Variants in KCNJ3 observed in about 807,000 individuals in gnomAD.
KCNJ3 encodes the protein potassium inwardly rectifying channel subfamily J member 3.
KCNJ3 carries 4 observed loss-of-function variants against 39.2 expected under a neutral mutation model. The ratio of observed to expected loss-of-function variants is 0.10; its 90% confidence interval spans 0.05 to 0.23. The LOEUF is 0.23. KCNJ3 is among the 10% of genes least tolerant of loss of function. The probability of loss-of-function intolerance (pLI) is 1.00; values close to 1 mark genes in which losing one functional copy is unlikely to be tolerated. For synonymous variants in KCNJ3, 230 were observed against 237.4 expected, an observed-to-expected ratio of 0.97 and a Z score of 0.29; for missense variants, 276 against 634.9, an observed-to-expected ratio of 0.43 and a Z score of 6.08.
intron 2 of KCNJ3, among the ~76,000 whole-genome samples, chr2:154,835,689 T>G (rs1035281130): frequency 1.3e-5 from 2 of 152,000 alleles, no homozygotes; most frequent in African/African-American, 4.8e-5. Flanking sequence ...CCAACCTTCC[T>G]CCTTTCTCTC....
chr2:154,816,201 T>A (rs1214026006), intron 2 of KCNJ3, among the ~76,000 whole-genome samples: 1 of 152,138 alleles, frequency 6.6e-6, no homozygotes, highest in Non-Finnish European at 1.5e-5. Context: ...AGTTAAAAAA[T>A]TTTATAAAAG....
At chr2:154,742,070 C>A (rs567818925) in intron 2 of KCNJ3, among the ~76,000 whole-genome samples, 16 of 151,898 alleles carry the variant, frequency 1.1e-4, no homozygotes, top group African/African-American at 3.9e-4. Context: ...TGGAAACCAC[C>A]ATTTGACTTT....
At position 154,698,801 on chromosome 2, in the gene KCNJ3, G is replaced by T; in HGVS notation, c.26G>T (p.Gly9Val). ...ATGTCTGCACTCCGAAGGAAATTTGGGGACGATTATCAGGTAGTGACCACA... is the reference window on the plus strand; with the variant it reads ...ATGTCTGCACTCCGAAGGAAATTTGTGGACGATTATCAGGTAGTGACCACA... MSALRRKFGDDYQVVTTSS... is the reference protein window; with the variant it reads MSALRRKFVDDYQVVTTSS... The change falls in exon 1 of 3, where the codon GGG becomes GTG. Residue 9 changes from glycine to valine, a missense_variant. This residue lies in a region of KCNJ3 where 27 missense variants were observed against 48.5 expected (regional missense o/e 0.56). Coordinates refer to ENST00000295101, the MANE Select transcript of KCNJ3 (RefSeq NM_002239.4). 6.2e-7 allele frequency: 1 copy of T among 1,610,864 alleles called. No individual in the cohort carries two copies. Among genetic ancestry groups the T allele is most frequent in the South Asian group, 1.1e-5 (1 of 91,026 alleles).
At chr2:154,830,943 T>TAAG (rs1687352237) in intron 2 of KCNJ3, among the ~76,000 whole-genome samples, 1 of 152,162 alleles carries the variant, frequency 6.6e-6, no homozygotes, top group Non-Finnish European at 1.5e-5. Context: ...ATTGCAACAA[T>TAAG]AAGAAATTGT....
At chr2:154,785,372 T>G (rs1686509585) in intron 2 of KCNJ3, among the ~76,000 whole-genome samples, 1 of 152,184 alleles carries the variant, frequency 6.6e-6, no homozygotes, top group Non-Finnish European at 1.5e-5. Flanking sequence ...TGTCCTCACG[T>G]GATCTTTTCT....
intron 2 of KCNJ3, among the ~76,000 whole-genome samples, chr2:154,735,510 G>A (rs975788972): frequency 6.6e-6 from 1 of 152,040 alleles, no homozygotes; most frequent in Non-Finnish European, 1.5e-5. Flanking sequence ...TAATTATGTG[G>A]CAGCTTTTCT....
intron 2 of KCNJ3, among the ~76,000 whole-genome samples, chr2:154,832,762 C>CT (rs1001577723): frequency 6.6e-6 from 1 of 152,070 alleles, no homozygotes; most frequent in Non-Finnish European, 1.5e-5. Flanking sequence ...ATAATTTTAT[C>CT]TTTGTTCACA....
intron 2 of KCNJ3, among the ~76,000 whole-genome samples, chr2:154,724,495 T>C (rs1370688901): frequency 6.6e-6 from 1 of 152,124 alleles, no homozygotes; most frequent in East Asian, 1.9e-4. Flanking sequence ...AATTTTCTTT[T>C]GATGTGTCGC....
intron 2 of KCNJ3, among the ~76,000 whole-genome samples, chr2:154,746,320 T>C (rs1470302140): frequency 1.3e-5 from 2 of 151,902 alleles, no homozygotes; most frequent in Non-Finnish European, 2.9e-5. Context: ...TGTAAACTTG[T>C]GCCTGCATGG....
rs1410879332 is a variant in KCNJ3, at chr2:154,856,040, A to AAAAT, written c.*729_*732dup. ...AGTTTGTGCTATCTATGGCCCTGCA[A>AAAAT]AAATATAACCATTACATGTTTAAAT... On this transcript the variant is annotated 3_prime_UTR_variant, in exon 3 of 3. Transcript: ENST00000295101. 1 of 152,586 alleles carries AAAAT rather than the reference A, an allele frequency of 6.6e-6. No individual in the cohort carries two copies. Among genetic ancestry groups the AAAAT allele is most frequent in the Admixed American group, 6.5e-5 (1 of 15,272 alleles). 9.5% of individuals were successfully genotyped at this position (152,586 alleles called of 1,614,324 possible). A position where few individuals can be genotyped will look rare whatever the true frequency, so the allele number is the denominator to read the frequency against.
intron 2 of KCNJ3, among the ~76,000 whole-genome samples, chr2:154,728,628 G>T (rs114812092): frequency 2.6e-5 from 4 of 152,114 alleles, no homozygotes; most frequent in Non-Finnish European, 5.9e-5. Context: ...AAAGAATGTA[G>T]CATGTGATAT....
chr2:154,827,218 G>C (rs567504596), intron 2 of KCNJ3, among the ~76,000 whole-genome samples: 16 of 151,888 alleles, frequency 1.1e-4, no homozygotes, highest in Middle Eastern at 3.4e-3. Context: ...TTTTTGATTT[G>C]CTGAGAAAAT....
At chr2:154,824,996 G>GT (rs1397364408) in intron 2 of KCNJ3, among the ~76,000 whole-genome samples, 2 of 152,272 alleles carry the variant, frequency 1.3e-5, no homozygotes, top group South Asian at 2.1e-4. Flanking sequence ...TCCGTTTTGA[G>GT]TATTTCTCTT....
chr2:154,776,793 C>T (rs969823668), intron 2 of KCNJ3, among the ~76,000 whole-genome samples: 3 of 151,902 alleles, frequency 2.0e-5, no homozygotes, highest in Admixed American at 2.0e-4. Flanking sequence ...GCAGTGTTCC[C>T]AAGATGACTG....
At chr2:154,763,793 T>C (rs1686085429) in intron 2 of KCNJ3, among the ~76,000 whole-genome samples, 1 of 152,202 alleles carries the variant, frequency 6.6e-6, no homozygotes, top group Admixed American at 6.5e-5. Flanking sequence ...TTTCTTTGTG[T>C]AGGCTTAGTT....
intron 2 of KCNJ3, among the ~76,000 whole-genome samples, chr2:154,750,910 C>T (rs1685833624): frequency 6.6e-6 from 1 of 151,914 alleles, no homozygotes; most frequent in South Asian, 2.1e-4. Flanking sequence ...TCCAGAAAAA[C>T]TGAAAATTTG....
chr2:154,765,665 T>G (rs2591172), intron 2 of KCNJ3, among the ~76,000 whole-genome samples: 41,066 of 152,138 alleles, frequency 0.27, 6,565 homozygotes, highest in East Asian at 0.44. Flanking sequence ...TATATTAATA[T>G]TTAGCCTAGT....
At chr2:154,812,265 A>G (rs930557443) in intron 2 of KCNJ3, among the ~76,000 whole-genome samples, 2 of 152,176 alleles carry the variant, frequency 1.3e-5, no homozygotes, top group African/African-American at 4.8e-5. Context: ...TATCTCTAAA[A>G]TTAATATAAT....
intron 2 of KCNJ3, among the ~76,000 whole-genome samples, chr2:154,807,649 A>G (rs1365314571): frequency 6.6e-6 from 1 of 152,188 alleles, no homozygotes; most frequent in East Asian, 1.9e-4. Flanking sequence ...GGTGTTTTAC[A>G]TTGGAGCTAC....
Sources: allele counts gnomAD v4.1 joint callset (sites outside exome capture counted in the v4.1 genomes callset), GRCh38; gene constraint gnomAD v4.1.1; regional missense constraint gnomAD v4.1.1; transcripts MANE v1.5; gene names NCBI Gene and HGNC (gene_info 2026-07-23, HGNC 2026-07-21).